SRP54: variants seen among roughly 807,000 people sequenced by gnomAD.
SRP54 encodes signal recognition particle subunit SRP54.
Under a neutral mutation model 64.8 loss-of-function variants are expected in SRP54, and 10 were observed. The ratio of observed to expected loss-of-function variants is 0.15; its 90% CI spans 0.10 to 0.26. The LOEUF is 0.26. SRP54 is among the 10% of genes least tolerant of loss of function. SRP54 has a pLI of 1.00. For synonymous variants in SRP54, 193 were observed against 185.6 expected (o/e 1.04, Z -0.32); for missense variants, 325 against 613.7 (o/e 0.53, Z 4.97).
At chr14:35,006,437 ATG>A (rs1481798438) in intron 4 of SRP54, among the ~76,000 whole-genome samples, 1 of 152,216 alleles carries the variant, frequency 6.6e-6, no homozygotes, top group Non-Finnish European at 1.5e-5. Flanking sequence ...CCAAACTGAG[ATG>A]TGTTTTACAT....
intron 1 of SRP54, among the ~76,000 whole-genome samples, chr14:34,987,282 TATATAC>T (rs2043914460): frequency 8.1e-6 from 1 of 123,442 alleles, no homozygotes; most frequent in Non-Finnish European, 1.8e-5. Flanking sequence ...TGTGTATATA[TATATAC>T]ACACACACAC....
chr14:35,015,871 T>A (rs1038063324), intron 11 of SRP54, among the ~76,000 whole-genome samples: 3 of 152,238 alleles, frequency 2.0e-5, no homozygotes, highest in Non-Finnish European at 4.4e-5. Context: ...TTCAGACTCA[T>A]GTATCTGTGT....
chr14:35,002,863 T>C (rs984517079), intron 4 of SRP54, among the ~76,000 whole-genome samples: 6 of 145,860 alleles, frequency 4.1e-5, no homozygotes, highest in African/African-American at 1.5e-4. Flanking sequence ...CCTGCCTCAG[T>C]GCCCCCCAAG....
At chr14:35,013,592 TAGTG>T (rs2044389017) in intron 9 of SRP54, 98 bp downstream of exon 9, 2 of 1,344,622 alleles carry the variant, frequency 1.5e-6, no homozygotes, top group African/African-American at 2.9e-5. Flanking sequence ...TATGTTTCAA[TAGTG>T]AGCCTAATAT....
chr14:35,013,303 T>TA, intron 8 of SRP54, 43 bp from the exon 9 acceptor site: 1 of 1,566,912 alleles, frequency 6.4e-7, no homozygotes, highest in Non-Finnish European at 8.7e-7. Flanking sequence ...TTAGGATCAA[T>TA]AAAAATCTTT....
At chr14:35,022,221 T>G (rs1247170180) in intron 13 of SRP54, among the ~76,000 whole-genome samples, 3 of 152,090 alleles carry the variant, frequency 2.0e-5, no homozygotes. Flanking sequence ...GGTAGACATA[T>G]GAAGTATGGA....
chr14:35,012,300 G>T (rs1033437021), intron 8 of SRP54, among the ~76,000 whole-genome samples: 3 of 151,324 alleles, frequency 2.0e-5, no homozygotes, highest in Admixed American at 1.3e-4. Context: ...GAAATACTTA[G>T]ATTTTTAAAT....
intron 7 of SRP54, among the ~76,000 whole-genome samples, chr14:35,009,051 T>C (rs1288235537): frequency 2.0e-5 from 3 of 151,886 alleles, no homozygotes; most frequent in African/African-American, 7.3e-5. Context: ...CATGCCCATC[T>C]AAATTTTTGT....
chr14:34,988,578 A>T (rs12431561), intron 1 of SRP54, among the ~76,000 whole-genome samples: 6,070 of 46,916 alleles, frequency 0.13, 1,115 homozygotes, highest in African/African-American at 0.22. Flanking sequence ...AAAAAAAAAA[A>T]ATATATATAT....
At chr14:34,999,079 A>G (rs530935106) in intron 2 of SRP54, among the ~76,000 whole-genome samples, 19 of 133,560 alleles carry the variant, frequency 1.4e-4, no homozygotes, top group Non-Finnish European at 2.3e-4. Context: ...CAGTGGCACT[A>G]TCTTGGCTCA....
At position 35,019,206 on chromosome 14, in the gene SRP54, A is replaced by C. The variant is rs981483847; in HGVS notation, c.1156+132A>C. On this transcript the variant is annotated intron_variant, in intron 13 of 15. Transcript: ENST00000216774. The stretch of plus-strand genomic sequence containing the variant: ...GATTATTTTTAGGTAGATTTGTAAT[A>C]GCTTGAAAGCTCTTACTCAAAGGGT... 9 of 626,866 alleles carry C rather than the reference A, an allele frequency of 1.4e-5. No individual in the cohort carries two copies. In the African/African-American group the frequency reaches 1.5e-4, roughly 10 times the overall value. The allele number at this position is 626,866 out of a possible 1,614,324, so 38.8% of individuals were successfully genotyped here. A position where few individuals can be genotyped will look rare whatever the true frequency, so the allele number is the denominator to read the frequency against.
Position 35,013,924 on chromosome 14 carries a change from T to C in SRP54, c.886+22T>C, listed in dbSNP as rs762891746. The C allele has an allele frequency of 2.7e-6, 4 of 1,500,970 alleles. No homozygotes were observed. In the Admixed American group the frequency reaches 5.6e-5, roughly 21 times the overall value. 93.0% of individuals were successfully genotyped at this position (1,500,970 alleles called of 1,614,324 possible). A position where few individuals can be genotyped will look rare whatever the true frequency, so the allele number is the denominator to read the frequency against. On this transcript the variant is annotated intron_variant, in intron 10 of 15. Transcript: ENST00000216774. ...CTTGGTATGTACAGTGGTGGGGATA[T>C]AGAAAAATCTCCAAGAAATACGATG... is the stretch of plus-strand genomic sequence containing the variant.
At chr14:35,015,031 A>C (rs113936881) in intron 11 of SRP54, among the ~76,000 whole-genome samples, 2 of 152,126 alleles carry the variant, frequency 1.3e-5, no homozygotes, top group African/African-American at 4.8e-5. Context: ...TATTTTCTTT[A>C]TTGTAATAAA....
chr14:35,002,931 A>G (rs1292879831), intron 4 of SRP54, among the ~76,000 whole-genome samples: 4 of 151,212 alleles, frequency 2.6e-5, no homozygotes, highest in South Asian at 2.1e-4. Context: ...TTTTTTGTAG[A>G]GACAAGGTTT....
In SRP54 at chr14:35,001,175, C is replaced by CT. The variant is rs10637082; in HGVS notation, c.255+172dup. 0.099 allele frequency among the ~76,000 whole-genome samples: 12,742 copies of CT among 129,230 alleles called. 794 individuals are homozygous for CT. The highest frequency in any genetic ancestry group is 0.12 in the Non-Finnish European group (7,794 of 62,450). 84.8% of individuals were successfully genotyped at this position (129,230 alleles called of 152,430 possible). ...AGGATTATTGAGTTTTCTTAGGGACCTTTTTTTTTTTTTTTTTGAGAAGGA... is the reference window on the plus strand; with the variant it reads ...AGGATTATTGAGTTTTCTTAGGGACCTTTTTTTTTTTTTTTTTTGAGAAGGA... On this transcript the variant is annotated intron_variant, in intron 4 of 15. Coordinates refer to ENST00000216774, the MANE Select transcript of SRP54 (RefSeq NM_003136.4).
In SRP54 at chr14:34,987,259, A is replaced by G. The variant is rs373973948; in HGVS notation, c.-34+4044A>G. On this transcript the variant is annotated intron_variant, in intron 1 of 15. Transcript: ENST00000216774. Reference sequence around the variant, plus strand: ...AAAAAAAAAAAAAATATATATATATATGTGTGTGTGTGTGTGTATATATAT... The same window carrying G: ...AAAAAAAAAAAAAATATATATATATGTGTGTGTGTGTGTGTGTATATATAT... Among the ~76,000 whole-genome samples, 976 of 113,222 alleles carry G rather than the reference A, an allele frequency of 8.6e-3. 23 individuals carry two copies. Among genetic ancestry groups the G allele is most frequent in the African/African-American group, 0.027 (913 of 33,284 alleles). 74.3% of individuals were successfully genotyped at this position (113,222 alleles called of 152,430 possible).
intron 13 of SRP54, among the ~76,000 whole-genome samples, chr14:35,019,917 C>T (rs35030792): frequency 0.17 from 26,568 of 152,092 alleles, 2,567 homozygotes; most frequent in East Asian, 0.38. Context: ...CAGTGGCTCA[C>T]GACGCCTGTA....
chr14:35,010,158 T>A (rs563135698), intron 7 of SRP54, among the ~76,000 whole-genome samples: 21 of 149,542 alleles, frequency 1.4e-4, no homozygotes, highest in Admixed American at 2.7e-4. Context: ...AAAAAAAAAA[T>A]TTTTTTAGGC....
chr14:35,013,984 C>A, intron 10 of SRP54, 82 bp downstream of exon 10: 2 of 1,011,250 alleles, frequency 2.0e-6, no homozygotes, highest in Non-Finnish European at 1.5e-6. Flanking sequence ...TAATTCTGTC[C>A]TCACTAATTT....
Sources: gnomAD v4.1 joint callset for allele counts (sites outside exome capture counted in the v4.1 genomes callset) on GRCh38, gnomAD v4.1.1 for gene constraint, MANE v1.5 for transcripts, NCBI Gene and HGNC (gene_info 2026-07-23, HGNC 2026-07-21) for gene names.